KCNMB2: variants seen among roughly 807,000 people sequenced by gnomAD.
KCNMB2 encodes calcium-activated potassium channel subunit beta-2.
A neutral mutation model predicts 24.5 loss-of-function variants in KCNMB2; 9 were observed. The ratio of observed to expected loss-of-function variants is 0.37; its 90% CI spans 0.22 to 0.64. The LOEUF (loss-of-function observed/expected upper bound fraction) is 0.64. KCNMB2 is among the 30% of genes least tolerant of loss of function. KCNMB2 has a pLI of 0.63. For missense variants in KCNMB2, 226 were observed against 284.3 expected (o/e 0.79, Z 1.47); for synonymous variants, 109 against 104.4 (o/e 1.04, Z -0.27).
intron 2 of KCNMB2, among the ~76,000 whole-genome samples, chr3:178,824,175 C>T (rs1368313163): frequency 3.3e-5 from 5 of 152,184 alleles, no homozygotes; most frequent in African/African-American, 1.2e-4. Flanking sequence ...TCTACCTTCT[C>T]CTCCAGACCT....
chr3:178,598,553 T>C (rs1402776231), intron 1 of KCNMB2, among the ~76,000 whole-genome samples: 1 of 151,942 alleles, frequency 6.6e-6, no homozygotes, highest in Non-Finnish European at 1.5e-5. Context: ...GTAGAGTTTA[T>C]TCATTGGTTA....
At chr3:178,793,781 C>A (rs1713423660) in intron 1 of KCNMB2, among the ~76,000 whole-genome samples, 1 of 152,136 alleles carries the variant, frequency 6.6e-6, no homozygotes, top group South Asian at 2.1e-4. Context: ...CAGCAGGTGA[C>A]TCTTCCCATG....
At chr3:178,645,638 G>C (rs1719893672) in intron 1 of KCNMB2, among the ~76,000 whole-genome samples, 1 of 152,118 alleles carries the variant, frequency 6.6e-6, no homozygotes, top group African/African-American at 2.4e-5. Flanking sequence ...TCATTCACTG[G>C]TTAGGGTGCT....
chr3:178,612,708 ATT>A (rs1046137812), intron 1 of KCNMB2, among the ~76,000 whole-genome samples: 5 of 152,040 alleles, frequency 3.3e-5, no homozygotes, highest in African/African-American at 1.2e-4. Flanking sequence ...ATGTCTTTTG[ATT>A]AGAGAGTTTA....
intron 1 of KCNMB2, among the ~76,000 whole-genome samples, chr3:178,717,535 A>G (rs1043815767): frequency 2.6e-5 from 4 of 151,918 alleles, no homozygotes; most frequent in African/African-American, 4.8e-5. Context: ...GTTTGCTTCA[A>G]CTCTCCCAGA....
At chr3:178,789,143 A>C (rs962004478) in intron 1 of KCNMB2, among the ~76,000 whole-genome samples, 1 of 152,232 alleles carries the variant, frequency 6.6e-6, no homozygotes, top group Non-Finnish European at 1.5e-5. Flanking sequence ...TTAACGAACC[A>C]AGTCAACAGC....
At chr3:178,633,572 C>T (rs1719405399) in intron 1 of KCNMB2, among the ~76,000 whole-genome samples, 2 of 152,190 alleles carry the variant, frequency 1.3e-5, no homozygotes, top group South Asian at 4.1e-4. Context: ...AGGCCTGAGG[C>T]TGCACACAGT....
chr3:178,695,579 A>T (rs1721846276), intron 1 of KCNMB2, among the ~76,000 whole-genome samples: 2 of 152,282 alleles, frequency 1.3e-5, no homozygotes, highest in South Asian at 4.1e-4. Flanking sequence ...TGTTCCACAG[A>T]TCTCTAGGTC....
At chr3:178,797,160 C>T (rs956629450) in intron 1 of KCNMB2, among the ~76,000 whole-genome samples, 2 of 152,034 alleles carry the variant, frequency 1.3e-5, no homozygotes, top group African/African-American at 2.4e-5. Flanking sequence ...TTCCTAGATG[C>T]ATACAATCCA....
intron 1 of KCNMB2, among the ~76,000 whole-genome samples, chr3:178,640,175 A>T (rs1719671856): frequency 6.6e-6 from 1 of 152,178 alleles, no homozygotes; most frequent in South Asian, 2.1e-4. Context: ...TACTATCTCT[A>T]TTGGTAACTG....
intron 1 of KCNMB2, among the ~76,000 whole-genome samples, chr3:178,567,515 A>C (rs1162840734): frequency 3.3e-5 from 5 of 152,152 alleles, no homozygotes; most frequent in Non-Finnish European, 1.5e-5. Context: ...ATTTAGCCTT[A>C]AAGCAGATAA....
At chr3:178,820,047 T>C (rs989933555) in intron 2 of KCNMB2, among the ~76,000 whole-genome samples, 1 of 152,184 alleles carries the variant, frequency 6.6e-6, no homozygotes, top group African/African-American at 2.4e-5. Context: ...CACTTTATGA[T>C]TGAACAGATT....
intron 1 of KCNMB2, among the ~76,000 whole-genome samples, chr3:178,702,588 T>C (rs567257464): frequency 5.3e-4 from 80 of 152,264 alleles, no homozygotes; most frequent in Non-Finnish European, 8.7e-4. Context: ...TGACTGCCTA[T>C]CAAAACTCAC....
chr3:178,758,158 C>A (rs200797021), intron 1 of KCNMB2, among the ~76,000 whole-genome samples: 5,206 of 25,936 alleles, frequency 0.2, 1,014 homozygotes, highest in East Asian at 0.26. Flanking sequence ...ATATATATAT[C>A]CAAGAGGATA....
At chr3:178,608,158 C>T (rs1366656067) in intron 1 of KCNMB2, among the ~76,000 whole-genome samples, 1 of 152,128 alleles carries the variant, frequency 6.6e-6, no homozygotes, top group South Asian at 2.1e-4. Context: ...AGTAAAGCAA[C>T]AGACACTATG....
At chr3:178,838,132 C>T (rs542427710) in intron 4 of KCNMB2, among the ~76,000 whole-genome samples, 27 of 152,098 alleles carry the variant, frequency 1.8e-4, no homozygotes, top group Non-Finnish European at 3.2e-4. Flanking sequence ...AAAAACATTT[C>T]TAAAAATGTT....
intron 1 of KCNMB2, among the ~76,000 whole-genome samples, chr3:178,697,042 G>C (rs1264109420): frequency 6.6e-6 from 1 of 152,122 alleles, no homozygotes; most frequent in African/African-American, 2.4e-5. Flanking sequence ...CAATTTTAGA[G>C]TATGTGCCAT....
chr3:178,761,117 G>A (rs1345563480), intron 1 of KCNMB2, among the ~76,000 whole-genome samples: 2 of 152,014 alleles, frequency 1.3e-5, no homozygotes, highest in South Asian at 2.1e-4. Flanking sequence ...CAGTTTCTCC[G>A]AGTCTGCACT....
intron 4 of KCNMB2, among the ~76,000 whole-genome samples, chr3:178,828,925 C>CTGTGAGTGTG (rs1179869572): frequency 1.1e-4 from 16 of 142,756 alleles, no homozygotes; most frequent in South Asian, 2.4e-4. Flanking sequence ...CCCATGGTCA[C>CTGTGAGTGTG]TGTGTGTGTG....
Sources: allele counts gnomAD v4.1 joint callset (sites outside exome capture counted in the v4.1 genomes callset), GRCh38; gene constraint gnomAD v4.1.1; transcripts MANE v1.5; gene names NCBI Gene and HGNC (gene_info 2026-07-23, HGNC 2026-07-21).